SLC38A8: variants seen among roughly 807,000 people sequenced by gnomAD.
SLC38A8 encodes solute carrier family 38 member 8, also known as amino acid transporter SLC38A8.
A neutral mutation model predicts 46.0 loss-of-function variants in SLC38A8; 65 were observed. The ratio of observed to expected loss-of-function variants is 1.41; its 90% CI spans 1.16 to 1.74. The LOEUF is 1.74. Ranked by LOEUF, SLC38A8 falls within the 40% of genes most tolerant of loss-of-function variation. SLC38A8 has a pLI of 0.00. For synonymous variants in SLC38A8, 447 were observed against 243.7 expected, an observed-to-expected ratio of 1.83 and a Z score of -7.77; for missense variants, 998 against 567.9, an observed-to-expected ratio of 1.76 and a Z score of -7.70.
intron 2 of SLC38A8, among the ~76,000 whole-genome samples, chr16:84,038,117 C>G (rs2085322715): frequency 6.6e-6 from 1 of 152,070 alleles, no homozygotes; most frequent in South Asian, 2.1e-4. Flanking sequence ...TTGAGACCAG[C>G]CTGGCCAACA....
intron 2 of SLC38A8, among the ~76,000 whole-genome samples, chr16:84,039,743 CAAAAAAAAAAAAAAA>C (rs56074069): frequency 9.3e-5 from 8 of 85,824 alleles, no homozygotes; most frequent in African/African-American, 1.9e-4. Flanking sequence ...GTGAGACCTT[CAAAAAAAAAAAAAAA>C]AAAAAAAAAA....
chr16:84,023,493 CGTAA>C (rs1163393330), intron 6 of SLC38A8, among the ~76,000 whole-genome samples: 1 of 152,024 alleles, frequency 6.6e-6, no homozygotes, highest in Non-Finnish European at 1.5e-5. Flanking sequence ...GAGCAGAGGG[CGTAA>C]GTAAATGGCA....
chr16:84,013,990 G>C (rs1039464512), intron 9 of SLC38A8, among the ~76,000 whole-genome samples: 3 of 151,552 alleles, frequency 2.0e-5, no homozygotes, highest in African/African-American at 7.3e-5. Flanking sequence ...GTGAGGAGCC[G>C]TGTGGCCACA....
At chr16:84,033,042 G>C (rs577626706) in intron 4 of SLC38A8, among the ~76,000 whole-genome samples, 9 of 151,842 alleles carry the variant, frequency 5.9e-5, no homozygotes, top group African/African-American at 1.9e-4. Flanking sequence ...GTGTGGGTAG[G>C]TGTGTGTTGT....
chr16:84,031,889 G>A lies in SLC38A8; in HGVS notation c.610C>T (p.Arg204Cys), dbSNP rs748716409. ...QYYLWPQGLV[R>C]ESHPSLSPAS... The stretch of plus-strand genomic sequence containing the variant: ...TACCTCAGTGAAGGATGGGACTCAC[G>A]CACGAGGCCCTGGGGCCAGAGGTAG... Residue 204 changes from arginine (R) to cysteine (C), a missense_variant, in exon 5 of 11, where the codon CGT (arginine) becomes TGT (cysteine). Coordinates refer to ENST00000299709, the MANE Select transcript of SLC38A8 (RefSeq NM_001080442.3). 36 of 1,614,124 alleles carry A rather than the reference G, an allele frequency of 2.2e-5. 1 individual carries two copies. The Middle Eastern group carries it at 1.5e-3, about 67-fold the overall frequency.
chr16:84,022,989 T>A, intron 6 of SLC38A8, 100 bp from the exon 7 acceptor site: 7 of 790,560 alleles, frequency 8.9e-6, no homozygotes, highest in Non-Finnish European at 1.4e-5. Flanking sequence ...TGGGATATGA[T>A]GAGGTTTCTC....
chr16:84,039,537 G>A (rs928703056), intron 2 of SLC38A8, among the ~76,000 whole-genome samples: 2 of 152,112 alleles, frequency 1.3e-5, no homozygotes, highest in Non-Finnish European at 2.9e-5. Context: ...CTGAGGTCAG[G>A]AGATCGAGAC....
chr16:84,040,152 G>T (rs2085352192), intron 2 of SLC38A8: 1 of 152,230 alleles, frequency 6.6e-6, no homozygotes, highest in Admixed American at 6.5e-5. Flanking sequence ...CTAAGTGGAG[G>T]ATAGCAGCCT....
intron 3 of SLC38A8, among the ~76,000 whole-genome samples, chr16:84,034,401 G>C (rs1012113639): frequency 1.6e-4 from 24 of 152,234 alleles, no homozygotes; most frequent in Middle Eastern, 6.3e-3. Context: ...TGGGATGAAT[G>C]ATTTGGAACC....
At position 84,036,791 on chromosome 16, in the gene SLC38A8, A is replaced by G. The variant is rs765646970; in HGVS notation, c.299T>C (p.Ile100Thr). The G allele has an allele frequency of 4.3e-6, 7 of 1,614,146 alleles. No homozygotes were observed. The South Asian group carries it at 6.6e-5, about 15-fold the overall frequency. ...GVVRGLCGPA[I>T]GKLCEACFLL... ...GAAGCAGGCCTCACACAGCTTCCCA[A>G]TGGCAGGGCCACACAGCCCCCTGAC... Residue 100 changes from isoleucine (I) to threonine (T), a missense_variant, in exon 3 of 11, where the codon ATT becomes ACT. Transcript: ENST00000299709.
At chr16:84,015,650 AG>A (rs2085016641) in intron 9 of SLC38A8, among the ~76,000 whole-genome samples, 1 of 152,224 alleles carries the variant, frequency 6.6e-6, no homozygotes, top group African/African-American at 2.4e-5. Flanking sequence ...AATGTCCATC[AG>A]GAGCTGTATT....
intron 9 of SLC38A8, among the ~76,000 whole-genome samples, chr16:84,013,782 G>C (rs910939311): frequency 2.7e-5 from 4 of 150,704 alleles, no homozygotes; most frequent in Non-Finnish European, 5.9e-5. Context: ...CATGTAGCTT[G>C]GCCTAAAGCT....
intron 9 of SLC38A8, among the ~76,000 whole-genome samples, chr16:84,013,931 AG>A (rs2084990590): frequency 1.3e-5 from 2 of 152,154 alleles, no homozygotes; most frequent in African/African-American, 4.8e-5. Flanking sequence ...GTGAGGGAGG[AG>A]CCACGTGGCC....
rs13337170 is a variant in SLC38A8 at position 84,036,586 on chromosome 16, C to G, written c.388+116G>C. 6,595 of 1,191,464 alleles carry G rather than the reference C, an allele frequency of 5.5e-3. 290 individuals are homozygous for G. The African/African-American group carries it at 0.09, about 16-fold the overall frequency. 73.8% of individuals were successfully genotyped at this position (1,191,464 alleles called of 1,614,324 possible). A position where few individuals can be genotyped will look rare whatever the true frequency, so the allele number is the denominator to read the frequency against. On this transcript the variant is annotated intron_variant, in intron 3 of 10. Transcript: ENST00000299709. ...TTAGGAACAAGAGTGTGGTTTCAGC[C>G]TCTGCTGTCCCTCAGGGCCCAGGCC... is the stretch of plus-strand genomic sequence containing the variant.
intron 4 of SLC38A8, among the ~76,000 whole-genome samples, chr16:84,032,749 A>AAGGC (rs1270531083): frequency 4.6e-5 from 7 of 152,216 alleles, no homozygotes; most frequent in Middle Eastern, 3.2e-3. Flanking sequence ...CAACAGGGAA[A>AAGGC]AGGCAGGCAG....
chr16:84,037,760 GA>G (rs1227980678), intron 2 of SLC38A8, among the ~76,000 whole-genome samples: 157 of 90,374 alleles, frequency 1.7e-3, no homozygotes, highest in Middle Eastern at 6.8e-3. Flanking sequence ...GACTGCCTCC[GA>G]AAAAAAAAAA....
At position 84,022,847 on chromosome 16, in the gene SLC38A8, G is replaced by T. The variant is rs767383422; in HGVS notation, c.733C>A (p.Arg245=). ...ACCAGGGCCCAGTGGGAGAGGCTCC[G>T]TTTGCGCATGCTGCAGTAGATGGAG... ...AVSIYCSMRK[R]SLSHWALVSV... The change falls in exon 7 of 11, where the codon CGG becomes AGG. Residue 245 remains arginine (R), a synonymous_variant. Transcript: ENST00000299709. 6.2e-7 allele frequency: 1 copy of T among 1,611,552 alleles called. No individual in the cohort carries two copies. The highest frequency in any genetic ancestry group is 1.7e-5 in the Admixed American group (1 of 59,522).
intron 7 of SLC38A8, among the ~76,000 whole-genome samples, chr16:84,020,851 C>G (rs2085086815): frequency 6.6e-6 from 1 of 152,188 alleles, no homozygotes; most frequent in African/African-American, 2.4e-5. Context: ...AGGGCCACAA[C>G]CTTGGTTTCC....
chr16:84,024,453 A>G (rs2085136656), intron 6 of SLC38A8, among the ~76,000 whole-genome samples: 1 of 152,044 alleles, frequency 6.6e-6, no homozygotes, highest in Non-Finnish European at 1.5e-5. Context: ...TGCTGAGATT[A>G]CAAGTACGAG....
Sources: gnomAD v4.1 joint callset for allele counts (sites outside exome capture counted in the v4.1 genomes callset) on GRCh38, gnomAD v4.1.1 for gene constraint, MANE v1.5 for transcripts, NCBI Gene and HGNC (gene_info 2026-07-23, HGNC 2026-07-21) for gene names.